Variants in NPRL3 observed in about 807,000 individuals in gnomAD.
The protein encoded by NPRL3 is NPR3 like, GATOR1 complex subunit, also known as GATOR1 complex protein NPRL3.
In NPRL3, 23 loss-of-function variants were observed where a neutral mutation model predicts 57.2. That is an observed-to-expected ratio of 0.40 (90% CI 0.29 to 0.57). The LOEUF (loss-of-function observed/expected upper bound fraction) is 0.57. NPRL3 is among the 20% of genes least tolerant of loss of function. NPRL3 has a pLI of 0.42. For missense variants in NPRL3, 691 were observed against 767.1 expected (o/e 0.90, Z 1.17); for synonymous variants, 333 against 321.1 (o/e 1.04, Z -0.39).
At chr16:108,961 C>T (rs893800626) in intron 7 of NPRL3, among the ~76,000 whole-genome samples, 15 of 151,900 alleles carry the variant, frequency 9.9e-5, no homozygotes, top group African/African-American at 1.5e-4. Flanking sequence ...TGAGCCACCG[C>T]GCCCGGCCTT....
At chr16:120,701 G>C (rs1900245390) in intron 3 of NPRL3, among the ~76,000 whole-genome samples, 1 of 152,180 alleles carries the variant, frequency 6.6e-6, no homozygotes, top group Non-Finnish European at 1.5e-5. Context: ...AATCTTGTTA[G>C]AGTTATCCTG....
At chr16:119,922 C>T (rs1596529395) in intron 3 of NPRL3, among the ~76,000 whole-genome samples, 4 of 152,328 alleles carry the variant, frequency 2.6e-5, no homozygotes, top group Admixed American at 2.6e-4. Flanking sequence ...CAACTGGGTG[C>T]CACGGAGAAG....
At position 93,227 on chromosome 16, in the gene NPRL3, G is replaced by A. The variant is rs781712669; in HGVS notation, c.1023C>T (p.Ser341=). The change falls in exon 10 of 14, where the codon AGC becomes AGT. Residue 341 remains serine, a synonymous_variant. Coordinates refer to ENST00000611875, the MANE Select transcript of NPRL3 (RefSeq NM_001077350.3). The part of the protein sequence containing the change: ...NNVYMLSPNA[S]VCLYSPLAEQ... The stretch of plus-strand genomic sequence containing the variant: ...CAGCCAGCAGCACTCACAGACATAC[G>A]CTGGCATTGGGAGACAGCATGTAGA... 57 of 1,551,478 alleles carry A rather than the reference G, an allele frequency of 3.7e-5. No homozygotes were observed. The highest frequency in any genetic ancestry group is 3.2e-4 in the South Asian group (27 of 84,120).
chr16:104,915 G>A (rs916531111), intron 7 of NPRL3, among the ~76,000 whole-genome samples: 1 of 152,214 alleles, frequency 6.6e-6, no homozygotes, highest in Non-Finnish European at 1.5e-5. Context: ...TTAACAAGGG[G>A]AAAGAGAAAG....
At chr16:94,802 G>T (rs1898918365) in intron 9 of NPRL3, among the ~76,000 whole-genome samples, 1 of 152,112 alleles carries the variant, frequency 6.6e-6, no homozygotes, top group African/African-American at 2.4e-5. Context: ...CCACTCGCAT[G>T]TCTCTCTCAA....
chr16:123,642 A>C (rs1401809137), intron 3 of NPRL3: 8 of 452,438 alleles, frequency 1.8e-5, no homozygotes, highest in Admixed American at 1.2e-4. Flanking sequence ...AACTGCACAA[A>C]AGTCTAGCAG....
chr16:96,954 C>G (rs1899035608), intron 9 of NPRL3, among the ~76,000 whole-genome samples: 1 of 31,886 alleles, frequency 3.1e-5, no homozygotes, highest in African/African-American at 1.7e-4. Context: ...ACAAGTTCCC[C>G]TAACGTGCTA....
intron 12 of NPRL3, 181 bp downstream of exon 12, chr16:89,532 G>T: frequency 1.8e-6 from 1 of 565,882 alleles, no homozygotes. Flanking sequence ...TGCCACCTCA[G>T]AGTCACGGTG....
Position 85,705 on chromosome 16 carries a change from C to G in NPRL3, c.*1000G>C, listed in dbSNP as rs771910964. ...CAGGGGAGTGGGCCCGGAAACCCCT[C>G]CGCTTCTATGTCCGGGGCAGCCCCT... On this transcript the variant is annotated 3_prime_UTR_variant, in exon 14 of 14. Transcript: ENST00000611875. 1 of 1,540,540 alleles carries G rather than the reference C, an allele frequency of 6.5e-7. No homozygotes were observed. Among genetic ancestry groups the G allele is most frequent in the Non-Finnish European group, 8.8e-7 (1 of 1,140,474 alleles).
rs779153012 is a variant in NPRL3 at position 92,629 on chromosome 16, T to C, written c.1128A>G (p.Glu376=). 1.1e-5 allele frequency: 18 copies of C among 1,613,512 alleles called. No individual in the cohort carries two copies. In the South Asian group the frequency reaches 1.3e-4, roughly 12 times the overall value. The part of the protein sequence containing the change: ...AKFSLPVSLS[E]FRNPLAPAVQ... ...CAGCGGGGGCCAGGGGATTCCTAAA[T>C]TCTGACAAGGAGACCGGCAAGGAGA... The change falls in exon 11 of 14, where the codon GAA becomes GAG. Residue 376 remains glutamate, a synonymous_variant. Transcript: ENST00000611875.
In NPRL3 at chr16:110,511, C is replaced by T. The variant is rs1347693548; in HGVS notation, c.629+14G>A. 5 of 1,606,090 alleles carry T rather than the reference C, an allele frequency of 3.1e-6. No individual in the cohort carries two copies. The highest frequency in any genetic ancestry group is 1.1e-5 in the South Asian group (1 of 89,470). ...CATAAGAAGGAGGTTAATAAGCACA[C>T]CCACCTGTCTTACCTGTCATAAGCT... On this transcript the variant is annotated intron_variant, in intron 7 of 13. Transcript: ENST00000611875.
Position 89,934 on chromosome 16 carries a change from C to T in NPRL3, c.1162-32G>A, listed in dbSNP as rs1305581846. On this transcript the variant is annotated intron_variant, in intron 11 of 13. Transcript: ENST00000611875. Reference sequence around the variant, plus strand: ...GTGGCAGCAGGTGAGGCTGGTCCCCCTCCCCACTCCAACTTCCTCCTGGGT... The same window carrying T: ...GTGGCAGCAGGTGAGGCTGGTCCCCTTCCCCACTCCAACTTCCTCCTGGGT... 7 of 1,527,970 alleles carry T rather than the reference C, an allele frequency of 4.6e-6. No homozygotes were observed. The East Asian group carries it at 7.6e-5, about 17-fold the overall frequency. The allele number at this position is 1,527,970 out of a possible 1,614,324, so 94.7% of individuals were successfully genotyped here.
rs879167191 is a variant in NPRL3, at chr16:85,847, CTG to C, written c.*856_*857del. On this transcript the variant is annotated 3_prime_UTR_variant, in exon 14 of 14. Transcript: ENST00000611875. ...GAATAAATGTTTTATTTCTAGAAAACTGTGCCTTAGCCAGAGCTCCTCTAGGT... is the reference window on the plus strand; with the variant it reads ...GAATAAATGTTTTATTTCTAGAAAACTGCCTTAGCCAGAGCTCCTCTAGGT... The C allele has an allele frequency of 2.1e-6, 3 of 1,398,914 alleles. No individual in the cohort carries two copies. Among genetic ancestry groups the C allele is most frequent in the Admixed American group, 6.0e-5 (2 of 33,412 alleles). 86.7% of individuals were successfully genotyped at this position (1,398,914 alleles called of 1,614,324 possible). A position where few individuals can be genotyped will look rare whatever the true frequency, so the allele number is the denominator to read the frequency against.
chr16:113,966 T>A (rs1899925054), intron 5 of NPRL3, among the ~76,000 whole-genome samples: 2 of 152,244 alleles, frequency 1.3e-5, no homozygotes, highest in Admixed American at 1.3e-4. Flanking sequence ...TGCCCACCAC[T>A]GGGCAGCAGA....
At chr16:91,501 C>T (rs772246520) in intron 11 of NPRL3, among the ~76,000 whole-genome samples, 5 of 152,220 alleles carry the variant, frequency 3.3e-5, no homozygotes, top group Admixed American at 1.3e-4. Context: ...AAAGCCACTC[C>T]GTTATCTAGA....
chr16:103,312 T>G (rs1237784237), intron 7 of NPRL3, among the ~76,000 whole-genome samples: 8 of 128,608 alleles, frequency 6.2e-5, no homozygotes, highest in African/African-American at 2.1e-4. Context: ...TTTTTTTTTT[T>G]TTTTTTTTTT....
At chr16:128,671 G>T (rs1271535994) in intron 3 of NPRL3, among the ~76,000 whole-genome samples, 1 of 152,222 alleles carries the variant, frequency 6.6e-6, no homozygotes, top group Non-Finnish European at 1.5e-5. Context: ...CGGAGGCTGA[G>T]GCAGGAGAAT....
chr16:138,615 ACG>A (rs147519847), intron 1 of NPRL3, 25 bp downstream of exon 1: 1 of 72,018 alleles, frequency 1.4e-5, no homozygotes, highest in African/African-American at 6.0e-5. Context: ...GTGGTGGTGG[ACG>A]CGGAGCAGCG....
In NPRL3 at chr16:92,514, A is replaced by G. The variant is rs1041787795; in HGVS notation, c.1161+82T>C. 3.3e-6 allele frequency: 5 copies of G among 1,515,684 alleles called. No individual in the cohort carries two copies. In the Admixed American group the frequency reaches 9.6e-5, roughly 29 times the overall value. The allele number at this position is 1,515,684 out of a possible 1,614,324, so 93.9% of individuals were successfully genotyped here. On this transcript the variant is annotated intron_variant, in intron 11 of 13. Transcript: ENST00000611875. ...GCAGGTGGCAGTGCTGAGGGCTCTC[A>G]GATCAGAACCAACAGCCAGGCAGGT...
Sources: gnomAD v4.1 joint callset for allele counts (sites outside exome capture counted in the v4.1 genomes callset) on GRCh38, gnomAD v4.1.1 for gene constraint, MANE v1.5 for transcripts, NCBI Gene and HGNC (gene_info 2026-07-23, HGNC 2026-07-21) for gene names.